PGPEP1L: variants seen among roughly 807,000 people sequenced by gnomAD.
The protein encoded by PGPEP1L is pyroglutamyl-peptidase I like.
Under a neutral mutation model 6.0 loss-of-function variants are expected in PGPEP1L, and 7 were observed. The ratio of observed to expected loss-of-function variants is 1.17; its 90% confidence interval spans 0.66 to 2.19. The LOEUF is 2.19. Ranked by LOEUF, PGPEP1L falls within the 30% of genes most tolerant of loss-of-function variation. PGPEP1L has a pLI of 0.00. For synonymous variants in PGPEP1L, 103 were observed against 83.9 expected, an observed-to-expected ratio of 1.23 and a Z score of -1.24; for missense variants, 209 against 192.5, an observed-to-expected ratio of 1.09 and a Z score of -0.51.
intron 2 of PGPEP1L, among the ~76,000 whole-genome samples, chr15:98,988,287 C>A (rs1021982559): frequency 3.3e-5 from 5 of 152,172 alleles, no homozygotes; most frequent in African/African-American, 9.6e-5. Context: ...GACCTAGGAC[C>A]CTTGAGCTTG....
intron 3 of PGPEP1L, among the ~76,000 whole-genome samples, chr15:98,970,560 G>A (rs1322787910): frequency 6.6e-6 from 1 of 151,668 alleles, no homozygotes; most frequent in Non-Finnish European, 1.5e-5. Context: ...TTTTTGGGGG[G>A]GTGGGGTTGT....
intron 2 of PGPEP1L, among the ~76,000 whole-genome samples, chr15:98,995,222 C>T (rs778372931): frequency 6.6e-6 from 1 of 152,160 alleles, no homozygotes; most frequent in Non-Finnish European, 1.5e-5. Flanking sequence ...TTTCTGTCTT[C>T]TTTCTGTATC....
chr15:98,984,295 C>T (rs1333386115), intron 2 of PGPEP1L, among the ~76,000 whole-genome samples: 3 of 152,198 alleles, frequency 2.0e-5, no homozygotes, highest in African/African-American at 7.2e-5. Context: ...CAGGCCTGAG[C>T]CACCGTGCTC....
At chr15:99,001,794 T>A (rs989001133) in intron 2 of PGPEP1L, among the ~76,000 whole-genome samples, 2 of 152,344 alleles carry the variant, frequency 1.3e-5, no homozygotes, top group East Asian at 1.9e-4. Context: ...CTCAGCTCAC[T>A]GCAACCTCCG....
intron 2 of PGPEP1L, among the ~76,000 whole-genome samples, chr15:98,980,614 C>T (rs1402352514): frequency 6.6e-6 from 1 of 152,072 alleles, no homozygotes; most frequent in Non-Finnish European, 1.5e-5. Flanking sequence ...CCAAAGAGGA[C>T]AGGATAGAAG....
chr15:98,994,536 T>A (rs535765810), intron 2 of PGPEP1L, among the ~76,000 whole-genome samples: 2 of 151,964 alleles, frequency 1.3e-5, no homozygotes, highest in South Asian at 4.2e-4. Flanking sequence ...GTGCCTGTAG[T>A]CCCAGCTATA....
rs368265184 is a variant in PGPEP1L, at chr15:98,997,364, T to C, written c.-142+8065A>G. Among the ~76,000 whole-genome samples the C allele has an allele frequency of 4.6e-5, 7 of 152,068 alleles. No homozygotes were observed. In the South Asian group the frequency reaches 1.0e-3, roughly 23 times the overall value. On this transcript the variant is annotated intron_variant, in intron 2 of 4. Transcript: ENST00000535714. ...TGCTGCAAATGCATGGTGCAAGGGG[T>C]TTTGCTGCATTTTCAGCTTGACCAA...
intron 2 of PGPEP1L, among the ~76,000 whole-genome samples, chr15:98,997,284 G>A (rs1021329648): frequency 6.6e-6 from 1 of 152,180 alleles, no homozygotes; most frequent in Non-Finnish European, 1.5e-5. Context: ...CTCAAGAGTT[G>A]AGAGTTTTCC....
At chr15:98,981,675 C>T (rs1567237573) in intron 2 of PGPEP1L, among the ~76,000 whole-genome samples, 1 of 152,192 alleles carries the variant, frequency 6.6e-6, no homozygotes, top group East Asian at 1.9e-4. Context: ...AGACTATGGA[C>T]TTTATGTAAA....
intron 2 of PGPEP1L, among the ~76,000 whole-genome samples, chr15:98,975,627 TCC>T (rs1231476261): frequency 6.6e-6 from 1 of 152,200 alleles, no homozygotes; most frequent in East Asian, 1.9e-4. Flanking sequence ...ACGCCTGTAA[TCC>T]CAGCACTTTG....
chr15:98,991,167 A>T (rs2593048), intron 2 of PGPEP1L, among the ~76,000 whole-genome samples: 137,848 of 152,066 alleles, frequency 0.91, 62,661 homozygotes, highest in South Asian at 0.95. Flanking sequence ...AAATCAATGA[A>T]TCCAGGAGCT....
intron 2 of PGPEP1L, among the ~76,000 whole-genome samples, chr15:98,981,274 C>T (rs560881853): frequency 2.0e-4 from 31 of 152,126 alleles, no homozygotes; most frequent in Non-Finnish European, 3.8e-4. Context: ...GGGCGGATCA[C>T]GAGGTCAGGA....
At position 99,007,487 on chromosome 15, in the gene PGPEP1L, G is replaced by C. The variant is rs1398863991; in HGVS notation, c.-498C>G. On this transcript the variant is annotated 5_prime_UTR_variant, in exon 1 of 5. It adds an upstream start codon to the 5' untranslated region. Coordinates refer to ENST00000535714, the MANE Select transcript of PGPEP1L (RefSeq NM_001167902.2). ...AGCGTGTCCCAAGTTTGTTTCTTCT[G>C]ATGCTCGCATGTGTTCGGAGTTTCT... 1 of 152,244 alleles carries C rather than the reference G, an allele frequency of 6.6e-6. No homozygotes were observed. The highest frequency in any genetic ancestry group is 2.4e-5 in the African/African-American group (1 of 41,428). 9.4% of individuals were successfully genotyped at this position (152,244 alleles called of 1,614,324 possible). A position where few individuals can be genotyped will look rare whatever the true frequency, so the allele number is the denominator to read the frequency against.
chr15:98,969,857 G>A (rs1424868186), intron 3 of PGPEP1L, among the ~76,000 whole-genome samples: 2 of 152,050 alleles, frequency 1.3e-5, no homozygotes, highest in South Asian at 2.1e-4. Context: ...TCTTTTAGCT[G>A]AATAAAAACT....
intron 2 of PGPEP1L, among the ~76,000 whole-genome samples, chr15:98,999,747 A>G (rs1224130353): frequency 6.6e-6 from 1 of 152,292 alleles, no homozygotes; most frequent in African/African-American, 2.4e-5. Flanking sequence ...GCAGTGGAAG[A>G]GAGAAGTAGA....
At chr15:98,975,765 C>T (rs2017560184) in intron 2 of PGPEP1L, among the ~76,000 whole-genome samples, 1 of 152,170 alleles carries the variant, frequency 6.6e-6, no homozygotes, top group African/African-American at 2.4e-5. Context: ...CCTGTATTCC[C>T]AGCTACTTGG....
chr15:98,992,718 A>G (rs1461299539), intron 2 of PGPEP1L, among the ~76,000 whole-genome samples: 1 of 152,230 alleles, frequency 6.6e-6, no homozygotes, highest in Non-Finnish European at 1.5e-5. Flanking sequence ...TGCAGTAACA[A>G]AAACAGCATG....
At chr15:99,000,725 A>C (rs1213786192) in intron 2 of PGPEP1L, among the ~76,000 whole-genome samples, 1 of 152,126 alleles carries the variant, frequency 6.6e-6, no homozygotes, top group Non-Finnish European at 1.5e-5. Flanking sequence ...TAAACACACC[A>C]ATCAGCACCC....
intron 2 of PGPEP1L, among the ~76,000 whole-genome samples, chr15:99,004,237 T>TA (rs1203789158): frequency 1.3e-5 from 2 of 151,538 alleles, no homozygotes; most frequent in Non-Finnish European, 2.9e-5. Context: ...ACCCTGTTTC[T>TA]ACTAAAAACT....
Sources: allele counts gnomAD v4.1 joint callset (sites outside exome capture counted in the v4.1 genomes callset), GRCh38; gene constraint gnomAD v4.1.1; transcripts MANE v1.5; gene names NCBI Gene and HGNC (gene_info 2026-07-23, HGNC 2026-07-21).